The following STK32B variants were observed in gnomAD, a reference collection of about 807,000 sequenced individuals.
STK32B encodes the protein serine/threonine kinase 32B.
A neutral mutation model predicts 52.6 loss-of-function variants in STK32B; 43 were observed. The observed-to-expected ratio is 0.82, with a 90% CI of 0.64 to 1.05. STK32B has a LOEUF of 1.05. STK32B is among the 50% of genes least tolerant of loss of function. STK32B has a pLI of 0.00. For synonymous variants in STK32B, 238 were observed against 204.3 expected (o/e 1.17, Z -1.41); for missense variants, 621 against 534.6 (o/e 1.16, Z -1.59).
chr4:5,278,865 G>A (rs1403418384), intron 3 of STK32B, among the ~76,000 whole-genome samples: 1 of 152,080 alleles, frequency 6.6e-6, no homozygotes, highest in Admixed American at 6.5e-5. Flanking sequence ...AGAGCAAATG[G>A]GGAAGCACTA....
intron 4 of STK32B, among the ~76,000 whole-genome samples, chr4:5,338,151 A>T (rs1303609459): frequency 2.6e-5 from 4 of 152,204 alleles, no homozygotes; most frequent in African/African-American, 9.6e-5. Flanking sequence ...AAAGAAAGTG[A>T]TAGGGATTGT....
intron 1 of STK32B, among the ~76,000 whole-genome samples, chr4:5,137,984 G>T (rs566635910): frequency 1.3e-5 from 2 of 152,296 alleles, no homozygotes; most frequent in Non-Finnish European, 2.9e-5. Flanking sequence ...TGCCCCGTGG[G>T]GACCTCGGGA....
intron 3 of STK32B, among the ~76,000 whole-genome samples, chr4:5,248,068 C>A (rs1224971924): frequency 6.6e-6 from 1 of 152,176 alleles, no homozygotes; most frequent in Non-Finnish European, 1.5e-5. Flanking sequence ...GTGTTTATTT[C>A]ATGCAGCATT....
At chr4:5,376,882 C>T (rs927983872) in intron 4 of STK32B, among the ~76,000 whole-genome samples, 1 of 152,182 alleles carries the variant, frequency 6.6e-6, no homozygotes, top group Admixed American at 6.5e-5. Context: ...CCCCAGCCTC[C>T]ACCTCTGCCA....
chr4:5,173,307 G>T (rs531571075), intron 3 of STK32B, among the ~76,000 whole-genome samples: 3 of 152,136 alleles, frequency 2.0e-5, no homozygotes, highest in African/African-American at 7.2e-5. Context: ...ATTTCCTTCA[G>T]TTCTGCTCTG....
At chr4:5,096,019 A>T (rs1713370195) in intron 1 of STK32B, among the ~76,000 whole-genome samples, 1 of 152,246 alleles carries the variant, frequency 6.6e-6, no homozygotes, top group Non-Finnish European at 1.5e-5. Flanking sequence ...ATGTGGAATT[A>T]TGAAGATTTT....
At chr4:5,038,158 C>T in the STK32B span, among the ~76,000 whole-genome samples, 1 of 152,168 alleles carries the variant, frequency 6.6e-6, no homozygotes, top group African/African-American at 2.4e-5. Context: ...GAATCATCCC[C>T]ATAAAATTCC....
intron 9 of STK32B, among the ~76,000 whole-genome samples, chr4:5,464,481 G>A (rs559365460): frequency 6.6e-6 from 1 of 152,318 alleles, no homozygotes; most frequent in Non-Finnish European, 1.5e-5. Context: ...AGCTTCGGAG[G>A]GTGAGGGCCG....
chr4:5,183,925 G>A (rs1720546259), intron 3 of STK32B, among the ~76,000 whole-genome samples: 3 of 152,124 alleles, frequency 2.0e-5, no homozygotes, highest in South Asian at 4.2e-4. Flanking sequence ...CTCTGGATTA[G>A]GCTTTGGCTT....
chr4:5,353,534 A>G (rs2108988437), intron 4 of STK32B, among the ~76,000 whole-genome samples: 1 of 144,868 alleles, frequency 6.9e-6, no homozygotes, highest in Middle Eastern at 3.5e-3. Context: ...GTATACAAGG[A>G]ACTCAACAGT....
chr4:5,025,187 C>T, the STK32B span, among the ~76,000 whole-genome samples: 2 of 152,178 alleles, frequency 1.3e-5, no homozygotes, highest in Non-Finnish European at 2.9e-5. Flanking sequence ...GTTTCCCTGC[C>T]TCCCCCTCCG....
At chr4:5,082,693 A>C (rs1712504958) in intron 1 of STK32B, among the ~76,000 whole-genome samples, 1 of 151,996 alleles carries the variant, frequency 6.6e-6, no homozygotes, top group Non-Finnish European at 1.5e-5. Context: ...ATACTGATTA[A>C]ATTTTTTTCT....
intron 6 of STK32B, chr4:5,437,983 T>A: frequency 5.1e-6 from 5 of 985,486 alleles, no homozygotes; most frequent in Non-Finnish European, 6.0e-6. Context: ...CTGCAGACAT[T>A]TGTCGCTTGT....
intron 2 of STK32B, among the ~76,000 whole-genome samples, chr4:5,161,835 C>G (rs9990893): frequency 0.018 from 2,703 of 152,138 alleles, 65 homozygotes; most frequent in African/African-American, 0.058. Flanking sequence ...TTTCTTCCCC[C>G]TACCCCCACC....
chr4:5,142,113 G>C (rs1414713306), intron 2 of STK32B, among the ~76,000 whole-genome samples: 5 of 152,224 alleles, frequency 3.3e-5, no homozygotes, highest in African/African-American at 4.8e-5. Flanking sequence ...GCACAGAAAA[G>C]TGCCCTTGGG....
intron 2 of STK32B, among the ~76,000 whole-genome samples, chr4:5,147,812 T>C (rs1442685363): frequency 4.6e-5 from 7 of 151,988 alleles, no homozygotes; most frequent in Non-Finnish European, 8.8e-5. Flanking sequence ...TGAATTGGAT[T>C]TGCCAATATC....
At chr4:5,105,258 C>A (rs1714037519) in intron 1 of STK32B, among the ~76,000 whole-genome samples, 1 of 151,912 alleles carries the variant, frequency 6.6e-6, no homozygotes, top group African/African-American at 2.4e-5. Flanking sequence ...TTGCATGAGG[C>A]CAGAAGTTCA....
intron 1 of STK32B, among the ~76,000 whole-genome samples, chr4:5,056,844 A>G (rs191456587): frequency 2.6e-4 from 39 of 152,334 alleles, no homozygotes; most frequent in African/African-American, 8.7e-4. Context: ...CTATGTGAAG[A>G]ATTTTCCCAA....
chr4:5,365,318 A>G (rs1441187185), intron 4 of STK32B, among the ~76,000 whole-genome samples: 1 of 152,108 alleles, frequency 6.6e-6, no homozygotes, highest in Non-Finnish European at 1.5e-5. Flanking sequence ...CACCAGACCA[A>G]GGGTTTACTC....
Sources: gnomAD v4.1 joint callset for allele counts (sites outside exome capture counted in the v4.1 genomes callset) on GRCh38, gnomAD v4.1.1 for gene constraint, MANE v1.5 for transcripts, NCBI Gene and HGNC (gene_info 2026-07-23, HGNC 2026-07-21) for gene names.